Variants in UTY observed in about 807,000 individuals in gnomAD.
UTY encodes ubiquitously transcribed tetratricopeptide repeat containing, Y-linked.
In UTY, 12 loss-of-function variants were observed where a neutral mutation model predicts 32.5. That is an observed-to-expected ratio of 0.37 (90% confidence interval 0.24 to 0.60). The LOEUF is 0.60. UTY is among the 20% of genes least tolerant of loss of function. The pLI, the probability that UTY is intolerant of heterozygous loss-of-function variation, is 0.69. For missense variants in UTY, 303 were observed against 299.2 expected (o/e 1.01, Z -0.09); for synonymous variants, 131 against 103.4 (o/e 1.27, Z -1.62).
At chrY:13,308,252 CA>C (rs778793743) in intron 21 of UTY, among the ~76,000 whole-genome samples, 8 of 6,448 alleles carry the variant, frequency 1.2e-3, no homozygotes, top group Middle Eastern at 0.11. Flanking sequence ...GAGACTGTCT[CA>C]AAAAAAAAAA....
chrY:13,316,785 C>T (rs746211105), intron 21 of UTY, among the ~76,000 whole-genome samples: 2 of 31,163 alleles, frequency 6.4e-5, no homozygotes, highest in East Asian at 8.3e-4. Context: ...TAAATTCCCA[C>T]GGGACAGACA....
intron 27 of UTY, among the ~76,000 whole-genome samples, chrY:13,273,492 A>C: frequency 3.0e-5 from 1 of 33,690 alleles, no homozygotes; most frequent in African/African-American, 1.2e-4. Context: ...CACAAGTCTC[A>C]TGAAAACGAA....
chrY:13,427,619 G>C (rs2149808768), intron 4 of UTY, among the ~76,000 whole-genome samples: 1 of 33,334 alleles, frequency 3.0e-5, no homozygotes, highest in East Asian at 7.9e-4. Context: ...ACAATGACAA[G>C]GGTAACAATA....
At chrY:13,362,146 T>C in intron 10 of UTY, among the ~76,000 whole-genome samples, 2 of 33,805 alleles carry the variant, frequency 5.9e-5, no homozygotes, top group African/African-American at 1.2e-4. Context: ...AGAAAGCCAA[T>C]GCACTGAAAC....
At chrY:13,350,020 G>T (rs1033030580) in intron 17 of UTY, among the ~76,000 whole-genome samples, 11 of 33,199 alleles carry the variant, frequency 3.3e-4, no homozygotes, top group Non-Finnish European at 6.7e-4. Flanking sequence ...TACAAAAGAG[G>T]CCTGAGAGAC....
intron 28 of UTY, among the ~76,000 whole-genome samples, chrY:13,241,395 A>C (rs754434640): frequency 3.0e-5 from 1 of 33,885 alleles, no homozygotes; most frequent in Admixed American, 2.7e-4. Flanking sequence ...GTGTAACAAT[A>C]AGTGCTTACA....
At chrY:13,381,455 C>T (rs2066145774) in intron 8 of UTY, among the ~76,000 whole-genome samples, 1 of 33,832 alleles carries the variant, frequency 3.0e-5, no homozygotes, top group South Asian at 6.4e-4. Flanking sequence ...ACCCGGGAGG[C>T]GGAGGCTGCA....
At chrY:13,297,180 G>C (rs2058077719) in intron 27 of UTY, among the ~76,000 whole-genome samples, 6 of 33,319 alleles carry the variant, frequency 1.8e-4, no homozygotes, top group Admixed American at 1.7e-3. Flanking sequence ...TTCTGGTGAG[G>C]GCTTTGGAAG....
chrY:13,415,392 C>T, intron 4 of UTY, among the ~76,000 whole-genome samples: 1 of 33,367 alleles, frequency 3.0e-5, no homozygotes, highest in African/African-American at 1.2e-4. Flanking sequence ...CAATCATTTT[C>T]TTACACTAAT....
chrY:13,335,601 A>T lies in UTY; in HGVS notation c.2796T>A (p.Ser932=). Residue 932 remains serine (S), a synonymous_variant, in exon 18 of 30, where the codon TCT becomes TCA. Coordinates refer to ENST00000545955, the MANE Select transcript of UTY (RefSeq NM_001258249.2). The part of the protein sequence containing the change: ...TSQILPSMSV[S]ICPSSTEVLK... ...GAACTTCTGTTGAACTGGGGCATAT[A>T]GACACTGACATTGATGGTAAGATCT... 2.5e-6 allele frequency: 1 copy of T among 398,804 alleles called. No homozygotes were observed. Among genetic ancestry groups the T allele is most frequent in the Non-Finnish European group, 3.5e-6 (1 of 283,571 alleles).
At chrY:13,375,249 T>C in intron 8 of UTY, among the ~76,000 whole-genome samples, 2 of 34,169 alleles carry the variant, frequency 5.9e-5, no homozygotes, top group Non-Finnish European at 1.5e-4. Flanking sequence ...TTCAAAGAGA[T>C]GATGTGATAC....
chrY:13,259,025 C>T, intron 28 of UTY, among the ~76,000 whole-genome samples: 2 of 34,526 alleles, frequency 5.8e-5, no homozygotes, highest in African/African-American at 2.2e-4. Flanking sequence ...GGTGGAAAAC[C>T]GCTTAAAGGC....
intron 3 of UTY, 61 bp downstream of exon 3, chrY:13,470,060 A>G (rs2078326488): frequency 8.3e-6 from 2 of 240,690 alleles, no homozygotes. Context: ...GAAGGAAAAA[A>G]CGTTACAACT....
At chrY:13,471,648 C>A (rs2078503025) in intron 2 of UTY, among the ~76,000 whole-genome samples, 1 of 32,692 alleles carries the variant, frequency 3.1e-5, no homozygotes, top group South Asian at 6.8e-4. Context: ...CATGGTGAAA[C>A]CCCGTGCCTA....
intron 4 of UTY, among the ~76,000 whole-genome samples, chrY:13,439,756 G>A (rs867392157): frequency 1.3e-3 from 43 of 32,698 alleles, no homozygotes; most frequent in African/African-American, 4.6e-3. Flanking sequence ...AAAGAAGTAC[G>A]GGAACTAACA....
At chrY:13,241,489 GAAGAA>G (rs2053900427) in intron 28 of UTY, among the ~76,000 whole-genome samples, 8 of 32,675 alleles carry the variant, frequency 2.4e-4, no homozygotes, top group Non-Finnish European at 6.0e-4. Flanking sequence ...AAAAATAGCA[GAAGAA>G]AAGAAATAAA....
intron 8 of UTY, among the ~76,000 whole-genome samples, chrY:13,386,832 A>G (rs558957893): frequency 3.7e-4 from 12 of 32,363 alleles, no homozygotes; most frequent in African/African-American, 9.7e-4. Context: ...AAAATACAAA[A>G]CTTAGCCGGG....
intron 28 of UTY, among the ~76,000 whole-genome samples, chrY:13,237,266 C>G: frequency 5.9e-5 from 2 of 34,045 alleles, no homozygotes; most frequent in Non-Finnish European, 1.5e-4. Flanking sequence ...ATACCACTTA[C>G]ATCTCTCAAA....
At chrY:13,311,800 G>A in intron 21 of UTY, among the ~76,000 whole-genome samples, 1 of 32,574 alleles carries the variant, frequency 3.1e-5, no homozygotes, top group Non-Finnish European at 7.5e-5. Context: ...CCTTCTCAAC[G>A]CTGGTTTTGC....
Sources: gnomAD v4.1 joint callset for allele counts (sites outside exome capture counted in the v4.1 genomes callset) on GRCh38, gnomAD v4.1.1 for gene constraint, MANE v1.5 for transcripts, NCBI Gene and HGNC (gene_info 2026-07-23, HGNC 2026-07-21) for gene names.